Variants in NKAIN2 observed in about 807,000 individuals in gnomAD.
NKAIN2 encodes the protein sodium/potassium-transporting ATPase subunit beta-1-interacting protein 2.
Under a neutral mutation model 32.6 loss-of-function variants are expected in NKAIN2, and 14 were observed. The observed-to-expected ratio is 0.43, with a 90% CI of 0.28 to 0.67. NKAIN2 has a LOEUF of 0.67. NKAIN2 is among the 30% of genes least tolerant of loss of function. NKAIN2 has a pLI of 0.17. For synonymous variants in NKAIN2, 80 were observed against 87.2 expected (o/e 0.92, Z 0.46); for missense variants, 198 against 258.3 (o/e 0.77, Z 1.60).
intron 1 of NKAIN2, among the ~76,000 whole-genome samples, chr6:123,991,994 G>A (rs1779433724): frequency 6.6e-6 from 1 of 152,086 alleles, no homozygotes; most frequent in Non-Finnish European, 1.5e-5. Context: ...GTGGTCTTTT[G>A]TAGTCAGTTT....
intron 3 of NKAIN2, among the ~76,000 whole-genome samples, chr6:124,475,210 T>A (rs1454340557): frequency 6.6e-6 from 1 of 152,068 alleles, no homozygotes; most frequent in Non-Finnish European, 1.5e-5. Flanking sequence ...GGCATTGATC[T>A]TTTGTGAACC....
chr6:124,749,695 A>C (rs1028499398), intron 4 of NKAIN2, among the ~76,000 whole-genome samples: 1 of 151,916 alleles, frequency 6.6e-6, no homozygotes, highest in Non-Finnish European at 1.5e-5. Flanking sequence ...TGCACCCTCC[A>C]GATTTCTGTC....
intron 1 of NKAIN2, among the ~76,000 whole-genome samples, chr6:124,047,154 G>A (rs548228959): frequency 3.9e-5 from 6 of 152,048 alleles, no homozygotes; most frequent in Admixed American, 3.9e-4. Flanking sequence ...TGTCCTGGAA[G>A]ACTCTCACAT....
At position 124,409,022 on chromosome 6, in the gene NKAIN2, G is replaced by C. The variant is rs192613740; in HGVS notation, c.273+53675G>C. 9.5e-4 allele frequency among the ~76,000 whole-genome samples: 145 copies of C among 152,258 alleles called. 1 individual carries two copies. Among genetic ancestry groups the C allele is most frequent in the African/African-American group, 3.2e-3 (131 of 41,568 alleles). ...CTGTTATTGGTGTATAAGAATGCTT[G>C]TGATTTTTGCACATTCATTTTGTAT... On this transcript the variant is annotated intron_variant, in intron 3 of 6. Transcript: ENST00000368417.
chr6:124,403,531 G>A (rs1382110165), intron 3 of NKAIN2, among the ~76,000 whole-genome samples: 1 of 152,064 alleles, frequency 6.6e-6, no homozygotes, highest in African/African-American at 2.4e-5. Flanking sequence ...TGAATATACT[G>A]TCAAAAGTAT....
chr6:124,336,803 A>G (rs1797892486), intron 2 of NKAIN2, among the ~76,000 whole-genome samples: 1 of 151,368 alleles, frequency 6.6e-6, no homozygotes, highest in South Asian at 2.1e-4. Flanking sequence ...CCTCCCAAGT[A>G]GCTGGGACTA....
At chr6:123,970,069 ACTC>A (rs938140333) in intron 1 of NKAIN2, among the ~76,000 whole-genome samples, 1 of 151,200 alleles carries the variant, frequency 6.6e-6, no homozygotes, top group African/African-American at 2.4e-5. Context: ...ATATTATACT[ACTC>A]ATGTCATTAA....
chr6:124,382,757 G>C (rs990803), intron 3 of NKAIN2, among the ~76,000 whole-genome samples: 22,712 of 152,094 alleles, frequency 0.15, 1,760 homozygotes, highest in African/African-American at 0.18. Flanking sequence ...TTTTGTTACA[G>C]GTTTCAGACT....
chr6:123,903,228 G>A (rs1022757342), intron 1 of NKAIN2, among the ~76,000 whole-genome samples: 3 of 152,094 alleles, frequency 2.0e-5, no homozygotes, highest in African/African-American at 4.8e-5. Flanking sequence ...CCTAATTGTC[G>A]CTTTTATTTT....
chr6:123,824,722 CTTAAAA>C (rs1276138673), intron 1 of NKAIN2, among the ~76,000 whole-genome samples: 1 of 143,068 alleles, frequency 7.0e-6, no homozygotes, highest in Non-Finnish European at 1.5e-5. Context: ...TATCCCAGAA[CTTAAAA>C]TTAAAAAAAA....
chr6:124,223,816 A>G (rs929376767), intron 1 of NKAIN2, among the ~76,000 whole-genome samples: 3 of 152,190 alleles, frequency 2.0e-5, no homozygotes, highest in African/African-American at 7.2e-5. Context: ...CCTACTTGAG[A>G]TAGTTACCAC....
At chr6:124,297,911 A>G (rs891955475) in intron 2 of NKAIN2, among the ~76,000 whole-genome samples, 1 of 152,158 alleles carries the variant, frequency 6.6e-6, no homozygotes, top group Non-Finnish European at 1.5e-5. Flanking sequence ...GAAATGTGTT[A>G]ATGCATCTGC....
intron 1 of NKAIN2, among the ~76,000 whole-genome samples, chr6:124,267,963 C>G (rs752487278): frequency 6.6e-6 from 1 of 152,164 alleles, no homozygotes; most frequent in Non-Finnish European, 1.5e-5. Context: ...TGTTTTTCCA[C>G]TCATCCTTTA....
intron 1 of NKAIN2, among the ~76,000 whole-genome samples, chr6:124,258,807 T>C (rs1794078694): frequency 6.6e-6 from 1 of 152,238 alleles, no homozygotes; most frequent in Non-Finnish European, 1.5e-5. Context: ...ACTTTTATTC[T>C]CTTGACTGGT....
intron 3 of NKAIN2, among the ~76,000 whole-genome samples, chr6:124,408,665 G>C (rs546339753): frequency 2.6e-4 from 40 of 152,256 alleles, no homozygotes; most frequent in African/African-American, 2.9e-4. Flanking sequence ...GCTTAGGATT[G>C]TCTTGGCAAT....
At chr6:124,683,517 G>C (rs769336730) in intron 4 of NKAIN2, among the ~76,000 whole-genome samples, 1 of 152,178 alleles carries the variant, frequency 6.6e-6, no homozygotes, top group Non-Finnish European at 1.5e-5. Context: ...CTACCAAGTA[G>C]AGTCCATGTG....
chr6:124,106,260 T>C (rs1003425487), intron 1 of NKAIN2, among the ~76,000 whole-genome samples: 5 of 152,124 alleles, frequency 3.3e-5, no homozygotes, highest in Non-Finnish European at 5.9e-5. Flanking sequence ...GACTGAGTAG[T>C]TGGTGGCTTC....
At chr6:124,187,901 A>AAG (rs1279240163) in intron 1 of NKAIN2, among the ~76,000 whole-genome samples, 1 of 152,152 alleles carries the variant, frequency 6.6e-6, no homozygotes, top group Non-Finnish European at 1.5e-5. Flanking sequence ...TCCTCTTCTT[A>AAG]ACCAAGATGT....
At chr6:124,313,442 T>G (rs17558676) in intron 2 of NKAIN2, among the ~76,000 whole-genome samples, 3,583 of 152,230 alleles carry the variant, frequency 0.024, 70 homozygotes, top group Non-Finnish European at 0.033. Flanking sequence ...TTAGTTCAGT[T>G]TAAAACTTCA....
Sources: allele counts gnomAD v4.1 joint callset (sites outside exome capture counted in the v4.1 genomes callset), GRCh38; gene constraint gnomAD v4.1.1; transcripts MANE v1.5; gene names NCBI Gene and HGNC (gene_info 2026-07-23, HGNC 2026-07-21).